The following NPR3 variants were observed in gnomAD, a reference collection of about 807,000 sequenced individuals.
NPR3 encodes the protein atrial natriuretic peptide receptor 3.
A neutral mutation model predicts 54.5 loss-of-function variants in NPR3; 34 were observed. The ratio of observed to expected loss-of-function variants is 0.62; its 90% confidence interval spans 0.47 to 0.83. The LOEUF is 0.83. Ranked by LOEUF, NPR3 falls within the 40% of genes least tolerant of loss-of-function variation. The probability of loss-of-function intolerance (pLI) is 0.00; values close to 1 mark genes in which losing one functional copy is unlikely to be tolerated. For missense variants in NPR3, 674 were observed against 720.8 expected (o/e 0.94, Z 0.74); for synonymous variants, 289 against 297.1 (o/e 0.97, Z 0.28).
intron 3 of NPR3, among the ~76,000 whole-genome samples, chr5:32,754,599 G>C (rs1172838567): frequency 6.6e-6 from 1 of 151,990 alleles, no homozygotes; most frequent in African/African-American, 2.4e-5. Flanking sequence ...AAATTAGTTT[G>C]GATTAGTATT....
rs752888425 is a variant in NPR3 at position 32,735,847 on chromosome 5, G to T, written c.893-3017G>T. Reference sequence around the variant, plus strand: ...TTAGAAATGCCCACAAAAGCAAGAAGTCGTAGTATCAGTTATGGTTGGGAA... The same window carrying T: ...TTAGAAATGCCCACAAAAGCAAGAATTCGTAGTATCAGTTATGGTTGGGAA... On this transcript the variant is annotated intron_variant, in intron 2 of 7. Transcript: ENST00000265074. Among the ~76,000 whole-genome samples, 5 of 152,200 alleles carry T rather than the reference G, an allele frequency of 3.3e-5. No individual in the cohort carries two copies. The East Asian group carries it at 9.6e-4, about 29-fold the overall frequency.
intron 2 of NPR3, among the ~76,000 whole-genome samples, chr5:32,728,769 A>G (rs1050166904): frequency 6.9e-6 from 1 of 144,202 alleles, no homozygotes; most frequent in Non-Finnish European, 1.5e-5. Context: ...ATTTCTTGGT[A>G]TTAACGTGCT....
At chr5:32,750,271 C>T (rs987407863) in intron 3 of NPR3, among the ~76,000 whole-genome samples, 2 of 152,090 alleles carry the variant, frequency 1.3e-5, no homozygotes, top group African/African-American at 4.8e-5. Flanking sequence ...TGGGACTACA[C>T]GCGCCGGCTA....
At chr5:32,767,534 C>T (rs1006580683) in intron 3 of NPR3, among the ~76,000 whole-genome samples, 2 of 152,180 alleles carry the variant, frequency 1.3e-5, no homozygotes, top group Non-Finnish European at 2.9e-5. Context: ...TGTAAACCTG[C>T]TTAACCAAAA....
At chr5:32,738,540 A>C (rs996557552) in intron 2 of NPR3, among the ~76,000 whole-genome samples, 2 of 152,224 alleles carry the variant, frequency 1.3e-5, no homozygotes, top group African/African-American at 4.8e-5. Context: ...GCAAGGAATA[A>C]AAACTGAGTT....
intron 3 of NPR3, among the ~76,000 whole-genome samples, chr5:32,758,746 T>C (rs1287406887): frequency 1.3e-5 from 2 of 152,244 alleles, no homozygotes; most frequent in Non-Finnish European, 2.9e-5. Flanking sequence ...CTTTCAGTGC[T>C]ATAAATTTCC....
intron 1 of NPR3, 41 bp downstream of exon 1, chr5:32,712,586 C>T: frequency 1.3e-6 from 2 of 1,490,546 alleles, no homozygotes; most frequent in African/African-American, 1.4e-5. Flanking sequence ...CCTAACCCAA[C>T]CGCTCTCCGC....
chr5:32,776,458 G>A (rs1386538711), intron 4 of NPR3, among the ~76,000 whole-genome samples: 1 of 152,202 alleles, frequency 6.6e-6, no homozygotes, highest in Non-Finnish European at 1.5e-5. Flanking sequence ...GGGTCCAAAA[G>A]TATGTTGGTG....
chr5:32,777,996 T>C (rs1290854674), intron 4 of NPR3, among the ~76,000 whole-genome samples: 1 of 152,186 alleles, frequency 6.6e-6, no homozygotes, highest in Non-Finnish European at 1.5e-5. Context: ...CATTTGTTCT[T>C]GGTCTTCTGA....
chr5:32,776,442 A>G lies in NPR3; in HGVS notation c.1195+1599A>G, dbSNP rs1742053796. ...AACAGGGAACATTGCTACTTGTGGGATTTCTGGGTCCAAAAGTATGTTGGT... is the reference window on the plus strand; with the variant it reads ...AACAGGGAACATTGCTACTTGTGGGGTTTCTGGGTCCAAAAGTATGTTGGT... On this transcript the variant is annotated intron_variant, in intron 4 of 7. Transcript: ENST00000265074. Among the ~76,000 whole-genome samples, 5 of 152,308 alleles carry G rather than the reference A, an allele frequency of 3.3e-5. No individual in the cohort carries two copies. The South Asian group carries it at 1.0e-3, about 32-fold the overall frequency.
chr5:32,734,022 TA>T (rs1177456846), intron 2 of NPR3, among the ~76,000 whole-genome samples: 1 of 152,218 alleles, frequency 6.6e-6, no homozygotes, highest in Non-Finnish European at 1.5e-5. Context: ...GGATTATACT[TA>T]AATCTTTTTC....
chr5:32,755,585 G>A (rs961560342), intron 3 of NPR3, among the ~76,000 whole-genome samples: 3 of 152,194 alleles, frequency 2.0e-5, no homozygotes, highest in African/African-American at 7.2e-5. Flanking sequence ...AGCCTCTTAA[G>A]TGAGGCAAAT....
intron 1 of NPR3, among the ~76,000 whole-genome samples, chr5:32,721,730 T>G (rs897205295): frequency 6.6e-6 from 1 of 152,174 alleles, no homozygotes; most frequent in Non-Finnish European, 1.5e-5. Flanking sequence ...TGGTGGGGTA[T>G]GTCTTAGTTT....
intron 3 of NPR3, among the ~76,000 whole-genome samples, chr5:32,770,863 G>A (rs1741719538): frequency 6.6e-6 from 1 of 152,170 alleles, no homozygotes; most frequent in Non-Finnish European, 1.5e-5. Flanking sequence ...TGCTCCGTGG[G>A]GAAATCCCAG....
At chr5:32,760,492 T>C (rs1741108363) in intron 3 of NPR3, among the ~76,000 whole-genome samples, 1 of 152,226 alleles carries the variant, frequency 6.6e-6, no homozygotes, top group Non-Finnish European at 1.5e-5. Context: ...TTCACTTTTG[T>C]GACCGGTCTG....
intron 3 of NPR3, among the ~76,000 whole-genome samples, chr5:32,766,471 C>T (rs555048451): frequency 9.2e-5 from 14 of 152,118 alleles, no homozygotes; most frequent in African/African-American, 2.2e-4. Flanking sequence ...GCAATGTCTG[C>T]GGTTCATTTT....
intron 4 of NPR3, among the ~76,000 whole-genome samples, chr5:32,778,376 A>G (rs1228649388): frequency 6.6e-6 from 1 of 152,202 alleles, no homozygotes; most frequent in Admixed American, 6.5e-5. Flanking sequence ...CTGTATGAAG[A>G]AAAACTCAAA....
At position 32,746,832 on chromosome 5, in the gene NPR3, T is replaced by C. The variant is rs772491605; in HGVS notation, c.1059+7802T>C. Among the ~76,000 whole-genome samples, 97 of 152,330 alleles carry C rather than the reference T, an allele frequency of 6.4e-4. 1 individual carries two copies. The highest frequency in any genetic ancestry group is 8.3e-4 in the South Asian group (4 of 4,830). On this transcript the variant is annotated intron_variant, in intron 3 of 7. Transcript: ENST00000265074. ...TCTCCTGATTTGTGTTTGGCACTTT[T>C]GAGACCCATTCACTGACTGTCCCTT...
chr5:32,743,452 T>C (rs1166915378), intron 3 of NPR3, among the ~76,000 whole-genome samples: 1 of 151,784 alleles, frequency 6.6e-6, no homozygotes, highest in Non-Finnish European at 1.5e-5. Context: ...TTTGAGTGTT[T>C]GAATTTTATC....
Sources: gnomAD v4.1 joint callset for allele counts (sites outside exome capture counted in the v4.1 genomes callset) on GRCh38, gnomAD v4.1.1 for gene constraint, MANE v1.5 for transcripts, NCBI Gene and HGNC (gene_info 2026-07-23, HGNC 2026-07-21) for gene names.